DMTN: variants seen among roughly 807,000 people sequenced by gnomAD.
DMTN encodes the protein dematin actin binding protein, also known as dematin.
In DMTN, 27 loss-of-function variants were observed where a neutral mutation model predicts 59.4. The observed-to-expected ratio is 0.45, with a 90% CI of 0.33 to 0.63. The LOEUF (loss-of-function observed/expected upper bound fraction) is 0.63, where lower values mean the gene tolerates loss of function less well. Ranked by LOEUF, DMTN falls within the 20% of genes least tolerant of loss-of-function variation. The pLI is 0.02. For missense variants in DMTN, 451 were observed against 528.9 expected, an observed-to-expected ratio of 0.85 and a Z score of 1.45; for synonymous variants, 221 against 203.7, an observed-to-expected ratio of 1.08 and a Z score of -0.72.
At chr8:22,064,016 G>A (rs1051659953) in intron 1 of DMTN, among the ~76,000 whole-genome samples, 2 of 152,214 alleles carry the variant, frequency 1.3e-5, no homozygotes, top group African/African-American at 4.8e-5. Context: ...AACAATACAT[G>A]ACTAAGTAGA....
Position 22,069,530 on chromosome 8 carries a change from C to A in DMTN, c.394+12C>A. ...TTTCCACCACCCTGGTAGGTCTTCT[C>A]GGCACGACCTCATTGTTTCCTAAGA... On this transcript the variant is annotated intron_variant, in intron 6 of 15. Transcript: ENST00000358242. The A allele has an allele frequency of 6.3e-7, 1 of 1,579,094 alleles. No homozygotes were observed. The highest frequency in any genetic ancestry group is 8.6e-7 in the Non-Finnish European group (1 of 1,161,250).
At chr8:22,079,301 T>A (rs1276474086) in intron 10 of DMTN, among the ~76,000 whole-genome samples, 4 of 84,940 alleles carry the variant, frequency 4.7e-5, no homozygotes, top group African/African-American at 2.0e-4. Flanking sequence ...TATATATATA[T>A]TAGCTGGGTT....
rs373079172 is a variant in DMTN, at chr8:22,069,950, C to T, written c.451+13C>T. ...TATAAGCAGAGAGGTGAGGGCGCCC[C>T]TGGCTCACCAGAGCCTGCTTCCGGC... On this transcript the variant is annotated intron_variant, in intron 7 of 15. Transcript: ENST00000358242. The T allele has an allele frequency of 4.3e-6, 7 of 1,614,024 alleles. No homozygotes were observed. The African/African-American group carries it at 9.3e-5, about 22-fold the overall frequency.
chr8:22,051,437 G>A (rs546394461), upstream of DMTN, among the ~76,000 whole-genome samples: 4 of 152,154 alleles, frequency 2.6e-5, no homozygotes, highest in Non-Finnish European at 4.4e-5. Context: ...CTGACGCTGA[G>A]ACAGTGACTT....
intron 9 of DMTN, 58 bp downstream of exon 9, chr8:22,072,508 A>C: frequency 6.7e-7 from 1 of 1,482,888 alleles, no homozygotes; most frequent in South Asian, 1.3e-5. Flanking sequence ...TCTGTTGCCC[A>C]GGCTGGCATG....
intron 10 of DMTN, among the ~76,000 whole-genome samples, chr8:22,075,051 G>T (rs1027076048): frequency 6.6e-6 from 1 of 151,974 alleles, no homozygotes; most frequent in African/African-American, 2.4e-5. Context: ...GCCAGGCATG[G>T]TGGCGCATGT....
chr8:22,078,646 A>G (rs1586181842), intron 10 of DMTN, among the ~76,000 whole-genome samples: 1 of 151,996 alleles, frequency 6.6e-6, no homozygotes, highest in East Asian at 1.9e-4. Flanking sequence ...TTCCTGAATT[A>G]TAATCTGTAG....
At chr8:22,066,484 G>A (rs1230144629) in intron 1 of DMTN, 2 of 156,992 alleles carry the variant, frequency 1.3e-5, no homozygotes, top group Non-Finnish European at 2.8e-5. Context: ...CCGGGCAGCC[G>A]GCTGACCCCT....
intron 14 of DMTN, 21 bp from the exon 15 acceptor site, chr8:22,081,092 T>TGGGGGGGGGGGGGGGGGCGGGGGG: frequency 6.5e-7 from 1 of 1,547,316 alleles, no homozygotes; most frequent in Non-Finnish European, 8.9e-7. Flanking sequence ...AGCCTAAGAT[T>TGGGGGGGGGGGGGGGGGCGGGGGG]GCCCCTCCCC....
intron 10 of DMTN, among the ~76,000 whole-genome samples, chr8:22,075,696 T>G (rs1222339503): frequency 1.3e-5 from 2 of 151,994 alleles, no homozygotes; most frequent in Non-Finnish European, 2.9e-5. Flanking sequence ...TTTTTGTATT[T>G]TTATTAGAGA....
At chr8:22,066,918 G>T (rs1811088963) in intron 2 of DMTN, 25 bp downstream of exon 2, 9 of 1,240,720 alleles carry the variant, frequency 7.3e-6, no homozygotes, top group Non-Finnish European at 9.1e-6. Context: ...CCCGGGCCGG[G>T]GCCGCCGAGG....
intron 10 of DMTN, among the ~76,000 whole-genome samples, chr8:22,076,159 T>C (rs769900381): frequency 6.6e-6 from 1 of 152,106 alleles, no homozygotes; most frequent in Non-Finnish European, 1.5e-5. Flanking sequence ...GTTTTGGACA[T>C]GTGGGGTTTG....
rs375736600 is a variant in DMTN, at chr8:22,081,573, C to T, written c.*110C>T. The T allele has an allele frequency of 2.2e-6, 2 of 929,626 alleles. No individual in the cohort carries two copies. The highest frequency in any genetic ancestry group is 1.5e-5 in the South Asian group (1 of 68,460). The allele number at this position is 929,626 out of a possible 1,614,324, so 57.6% of individuals were successfully genotyped here. On this transcript the variant is annotated 3_prime_UTR_variant, in exon 16 of 16. Transcript: ENST00000358242. ...GGTGGAAATAGGGTGGGCTCCTTTCCTCAGGTAGAGTGGGGGGCCAAAACC... is the reference window on the plus strand; with the variant it reads ...GGTGGAAATAGGGTGGGCTCCTTTCTTCAGGTAGAGTGGGGGGCCAAAACC...
At chr8:22,064,551 T>C (rs551759752) in intron 1 of DMTN, among the ~76,000 whole-genome samples, 59 of 152,120 alleles carry the variant, frequency 3.9e-4, no homozygotes, top group African/African-American at 1.4e-3. Context: ...CTCCGCCTCC[T>C]GGGTTCATGC....
In DMTN at chr8:22,081,971, G is replaced by T; in HGVS notation, c.*508G>T. On this transcript the variant is annotated 3_prime_UTR_variant, in exon 16 of 16. Coordinates refer to ENST00000358242, the MANE Select transcript of DMTN (RefSeq NM_001387751.1). The stretch of plus-strand genomic sequence containing the variant: ...GGGAACAGGCCCCAGCTCAGCCTCC[G>T]GCAGGGAGGTCACCCCTCCACTTCA... 1 of 450,106 alleles carries T rather than the reference G, an allele frequency of 2.2e-6. No homozygotes were observed. Among genetic ancestry groups the T allele is most frequent in the Non-Finnish European group, 4.4e-6 (1 of 225,420 alleles). 27.9% of individuals were successfully genotyped at this position (450,106 alleles called of 1,614,324 possible).
intron 9 of DMTN, among the ~76,000 whole-genome samples, chr8:22,073,062 G>A (rs1391496517): frequency 1.3e-5 from 2 of 152,188 alleles, no homozygotes; most frequent in Non-Finnish European, 2.9e-5. Flanking sequence ...AGGCCTCCAG[G>A]GGAGGAGGGA....
intron 11 of DMTN, 24 bp downstream of exon 11, chr8:22,080,268 T>G (rs749407553): frequency 6.2e-7 from 1 of 1,614,168 alleles, no homozygotes; most frequent in South Asian, 1.1e-5. Context: ...ACCAGAGATA[T>G]AGACTACGTG....
intron 1 of DMTN, among the ~76,000 whole-genome samples, chr8:22,057,587 T>C (rs56379288): frequency 0.089 from 13,495 of 152,146 alleles, 2,034 homozygotes; most frequent in African/African-American, 0.31. Flanking sequence ...GCCTGCTTTT[T>C]AGGGGGAGTG....
chr8:22,066,554 C>G (rs1334192784), intron 1 of DMTN, 151 bp from the exon 2 acceptor site: 4 of 251,386 alleles, frequency 1.6e-5, no homozygotes, highest in Non-Finnish European at 2.3e-5. Context: ...GCCCGTCCTT[C>G]GGTCGCCTCC....
Sources: gnomAD v4.1 joint callset for allele counts (sites outside exome capture counted in the v4.1 genomes callset) on GRCh38, gnomAD v4.1.1 for gene constraint, MANE v1.5 for transcripts, NCBI Gene and HGNC (gene_info 2026-07-23, HGNC 2026-07-21) for gene names.